SH3GL1: variants seen among roughly 807,000 people sequenced by gnomAD.
SH3GL1 encodes SH3 domain containing GRB2 like 1, endophilin A2, also known as endophilin-A2.
Under a neutral mutation model 48.8 loss-of-function variants are expected in SH3GL1, and 21 were observed. The ratio of observed to expected loss-of-function variants is 0.43; its 90% CI spans 0.30 to 0.62. The LOEUF (loss-of-function observed/expected upper bound fraction) is 0.62, where lower values mean the gene tolerates loss of function less well. Among genes scored for constraint, SH3GL1 ranks in the 20% least tolerant of loss-of-function variants. The pLI, the probability that SH3GL1 is intolerant of heterozygous loss-of-function variation, is 0.11. For synonymous variants in SH3GL1, 282 were observed against 217.5 expected (o/e 1.30, Z -2.61); for missense variants, 454 against 503.0 (o/e 0.90, Z 0.93).
At chr19:4,381,346 C>T (rs1599609990) in intron 1 of SH3GL1, among the ~76,000 whole-genome samples, 2 of 132,040 alleles carry the variant, frequency 1.5e-5, no homozygotes, top group South Asian at 2.9e-4. Context: ...TCCCCTCTGC[C>T]TCTCTCTGTC....
intron 1 of SH3GL1, among the ~76,000 whole-genome samples, chr19:4,377,360 G>A (rs528527799): frequency 6.6e-6 from 1 of 152,350 alleles, no homozygotes; most frequent in East Asian, 1.9e-4. Flanking sequence ...CAGAATGCGT[G>A]GTGGGCAGAG....
Position 4,364,121 on chromosome 19 carries a change from C to T in SH3GL1, c.432G>A (p.Gln144=), listed in dbSNP as rs766547848. Residue 144 remains glutamine, a synonymous_variant, in exon 5 of 10, where the codon CAG becomes CAA. Transcript: ENST00000269886. ...EVKQNFIDPL[Q]NLCEKDLKEI... ...CCTTCAGGTCTTTCTCGCACAGGTT[C>T]TGGAGGGGGTCAATGAAGTTCTGCT... The T allele has an allele frequency of 2.5e-6, 4 of 1,613,510 alleles. No individual in the cohort carries two copies. Among genetic ancestry groups the T allele is most frequent in the Non-Finnish European group, 2.5e-6 (3 of 1,180,028 alleles).
chr19:4,376,788 A>G lies in SH3GL1; in HGVS notation c.46-9794T>C, dbSNP rs1171282805. On this transcript the variant is annotated intron_variant, in intron 1 of 9. Transcript: ENST00000269886. This position sits in a 1 kb window ranked among gnomAD's most constrained non-coding sequence, Gnocchi z 4.3. ...GCTGCCCCACCCTCCTGCTATCCTC[A>G]CGGGGCCTCGCATTCCTCTTGCTTG... Among the ~76,000 whole-genome samples, 1 of 151,592 alleles carries G rather than the reference A, an allele frequency of 6.6e-6. No individual in the cohort carries two copies. Among genetic ancestry groups the G allele is most frequent in the African/African-American group, 2.4e-5 (1 of 41,206 alleles).
Position 4,367,779 on chromosome 19 carries a change from T to C in SH3GL1, c.46-785A>G, listed in dbSNP as rs185030608. On this transcript the variant is annotated intron_variant, in intron 1 of 9. Coordinates refer to ENST00000269886, the MANE Select transcript of SH3GL1 (RefSeq NM_003025.4). This position sits in a 1 kb window ranked among gnomAD's most constrained non-coding sequence, Gnocchi z 4.2. ...CGAAAAACAGCCCTGAAATGTCCCATGGAACATGGCGGGAACCACTGAACC... is the reference window on the plus strand; with the variant it reads ...CGAAAAACAGCCCTGAAATGTCCCACGGAACATGGCGGGAACCACTGAACC... Among the ~76,000 whole-genome samples, 119 of 152,356 alleles carry C rather than the reference T, an allele frequency of 7.8e-4. No individual in the cohort carries two copies. The highest frequency in any genetic ancestry group is 1.4e-3 in the Non-Finnish European group (96 of 68,042).
intron 9 of SH3GL1, 151 bp from the exon 10 acceptor site, chr19:4,361,947 G>T (rs574457005): frequency 1.6e-6 from 1 of 635,390 alleles, no homozygotes; most frequent in East Asian, 2.7e-5. Context: ...GCCACTTCTG[G>T]GGTCCGGCCT....
intron 1 of SH3GL1, among the ~76,000 whole-genome samples, chr19:4,379,861 C>CA (rs1318572855): frequency 6.6e-6 from 1 of 152,194 alleles, no homozygotes; most frequent in Non-Finnish European, 1.5e-5. Context: ...CCCTGCCCCC[C>CA]AAGGCTTGCT....
intron 1 of SH3GL1, among the ~76,000 whole-genome samples, chr19:4,382,259 T>TC (rs1973149800): frequency 1.4e-5 from 2 of 140,856 alleles, no homozygotes; most frequent in Non-Finnish European, 3.1e-5. Flanking sequence ...CTTTCTTTTT[T>TC]TTTTTTTTTT....
At chr19:4,365,969 G>A (rs923324845) in intron 3 of SH3GL1, among the ~76,000 whole-genome samples, 3 of 152,162 alleles carry the variant, frequency 2.0e-5, no homozygotes, top group Non-Finnish European at 2.9e-5. Flanking sequence ...CAAGGCTCCC[G>A]GGGTGGGTGA....
At chr19:4,385,218 G>A (rs1165786712) in intron 1 of SH3GL1, among the ~76,000 whole-genome samples, 2 of 152,190 alleles carry the variant, frequency 1.3e-5, no homozygotes, top group East Asian at 3.9e-4. Context: ...AACGTGCGCA[G>A]TGAAGGCACG....
chr19:4,373,131 G>C (rs1972936075), intron 1 of SH3GL1, among the ~76,000 whole-genome samples: 1 of 22,104 alleles, frequency 4.5e-5, no homozygotes, highest in Admixed American at 9.0e-4. Context: ...GCAGTGGGAG[G>C]GGGGGCCACA....
intron 1 of SH3GL1, among the ~76,000 whole-genome samples, chr19:4,369,096 A>C (rs1350341811): frequency 1.3e-5 from 2 of 152,008 alleles, no homozygotes. Context: ...AGAAAAAAAA[A>C]ATCACCTCGT....
chr19:4,366,812 G>C (rs1244933340), intron 2 of SH3GL1, 114 bp downstream of exon 2: 10 of 1,101,130 alleles, frequency 9.1e-6, no homozygotes, highest in Non-Finnish European at 1.3e-5. Context: ...CACACCTGCC[G>C]GGCCCCATCA....
chr19:4,383,555 A>G (rs530276740), intron 1 of SH3GL1, among the ~76,000 whole-genome samples: 2 of 152,090 alleles, frequency 1.3e-5, no homozygotes, highest in East Asian at 3.9e-4. Flanking sequence ...TCCTTAGTTC[A>G]TATTTACTGT....
chr19:4,370,004 C>T (rs754191223), intron 1 of SH3GL1, among the ~76,000 whole-genome samples: 4 of 151,046 alleles, frequency 2.6e-5, no homozygotes, highest in Non-Finnish European at 5.9e-5. Context: ...GGCTCCTGCC[C>T]GCTGGGGCCC....
chr19:4,366,675 G>A, intron 2 of SH3GL1, 102 bp from the exon 3 acceptor site: 2 of 1,155,498 alleles, frequency 1.7e-6, no homozygotes, highest in Non-Finnish European at 2.5e-6. Context: ...GCCCATACCA[G>A]GACCCCCCAA....
intron 1 of SH3GL1, among the ~76,000 whole-genome samples, chr19:4,387,920 C>T (rs142584803): frequency 6.6e-6 from 1 of 151,958 alleles, no homozygotes; most frequent in Admixed American, 6.6e-5. Flanking sequence ...AGTGCACTGG[C>T]GCGATCTCAG....
At chr19:4,373,652 A>G (rs1031510955) in intron 1 of SH3GL1, among the ~76,000 whole-genome samples, 2 of 152,060 alleles carry the variant, frequency 1.3e-5, no homozygotes, top group African/African-American at 4.8e-5. Flanking sequence ...TGGAAGCCCC[A>G]GGCGTCCTCT....
chr19:4,368,938 G>T (rs796694519), intron 1 of SH3GL1, among the ~76,000 whole-genome samples: 7 of 152,298 alleles, frequency 4.6e-5, no homozygotes, highest in African/African-American at 1.7e-4. Flanking sequence ...CGGGCCTGAT[G>T]GCGGGTGCCT....
rs373112401 is a variant in SH3GL1, at chr19:4,366,061, CT to C, written c.188-437del. 2.2e-4 allele frequency among the ~76,000 whole-genome samples: 34 copies of C among 151,842 alleles called. No individual in the cohort carries two copies. In the South Asian group the frequency reaches 5.4e-3, roughly 24 times the overall value. ...ACACTGCTGGGTGTGCGTCTGCCCC[CT>C]GTCCGTGGCCTCCTATGGAGCCAGC... On this transcript the variant is annotated intron_variant, in intron 3 of 9. Coordinates refer to ENST00000269886, the MANE Select transcript of SH3GL1 (RefSeq NM_003025.4).
Sources: gnomAD v4.1 joint callset for allele counts (sites outside exome capture counted in the v4.1 genomes callset) on GRCh38, gnomAD v4.1.1 for gene constraint, Gnocchi (gnomAD v3.1) non-coding constraint, MANE v1.5 for transcripts, NCBI Gene and HGNC (gene_info 2026-07-23, HGNC 2026-07-21) for gene names.